The following NAV3 variants were observed in gnomAD, a reference collection of about 807,000 sequenced individuals.
NAV3 encodes the protein neuron navigator 3.
A neutral mutation model predicts 244.7 loss-of-function variants in NAV3; 87 were observed. The observed-to-expected ratio is 0.36, with a 90% CI of 0.30 to 0.42. NAV3 has a LOEUF of 0.42. NAV3 is among the 20% of genes least tolerant of loss of function. The pLI, the probability that NAV3 is intolerant of heterozygous loss-of-function variation, is 1.00. For synonymous variants in NAV3, 1,126 were observed against 1,042.2 expected (o/e 1.08, Z -1.55); for missense variants, 2,663 against 2,893.3 (o/e 0.92, Z 1.83).
At chr12:77,891,971 G>C (rs1883991890) in intron 1 of NAV3, among the ~76,000 whole-genome samples, 1 of 152,140 alleles carries the variant, frequency 6.6e-6, no homozygotes, top group Admixed American at 6.5e-5. Flanking sequence ...CTGTGGGGAG[G>C]GAAGTCATTT....
At chr12:77,778,641 T>C (rs1239777827) in intron 2 of NAV3, among the ~76,000 whole-genome samples, 1 of 150,692 alleles carries the variant, frequency 6.6e-6, no homozygotes, top group Non-Finnish European at 1.5e-5. Flanking sequence ...AGAAAATGCA[T>C]TTATATTAAC....
chr12:78,061,983 C>G (rs574115371), intron 12 of NAV3, among the ~76,000 whole-genome samples: 1 of 152,178 alleles, frequency 6.6e-6, no homozygotes, highest in South Asian at 2.1e-4. Context: ...GTCCATACAA[C>G]ATAGCAAATC....
intron 1 of NAV3, among the ~76,000 whole-genome samples, chr12:77,831,960 G>A (rs572324800): frequency 1.3e-5 from 2 of 152,128 alleles, no homozygotes; most frequent in Non-Finnish European, 2.9e-5. Context: ...ATTGATGAAT[G>A]CCTAGTTAGT....
At chr12:77,706,945 T>C (rs1216745647) in intron 2 of NAV3, among the ~76,000 whole-genome samples, 1 of 143,826 alleles carries the variant, frequency 7.0e-6, no homozygotes. Flanking sequence ...CATACTGATA[T>C]TAAACAAGTC....
chr12:77,903,676 G>T, intron 1 of NAV3, among the ~76,000 whole-genome samples: 1 of 152,158 alleles, frequency 6.6e-6, no homozygotes, highest in Non-Finnish European at 1.5e-5. Context: ...CTTCTGCACA[G>T]CAAAAGAAAC....
chr12:77,899,496 C>T (rs1024675772), intron 1 of NAV3, among the ~76,000 whole-genome samples: 2 of 152,190 alleles, frequency 1.3e-5, no homozygotes, highest in African/African-American at 4.8e-5. Context: ...TGATTGTTAG[C>T]ACTGTTAAGC....
At chr12:77,607,230 A>G (rs1592498493) in intron 2 of NAV3, among the ~76,000 whole-genome samples, 1 of 152,094 alleles carries the variant, frequency 6.6e-6, no homozygotes, top group Non-Finnish European at 1.5e-5. Context: ...CCAAAGTTCA[A>G]GAGTTACCTA....
At position 77,769,242 on chromosome 12, in the gene NAV3, G is replaced by A. The variant is rs1869946601; in HGVS notation, c.73-171077G>A. ...CTGCATGTTTATGAAACAATTCTTA[G>A]TCAAGACTGTGTTTGATATAAATTA... is the stretch of plus-strand genomic sequence containing the variant. On this transcript the variant is annotated intron_variant, in intron 2 of 8. Transcript: ENST00000550042. Among the ~76,000 whole-genome samples the A allele has an allele frequency of 2.0e-5, 3 of 152,136 alleles. No homozygotes were observed. The South Asian group carries it at 6.2e-4, about 32-fold the overall frequency.
rs771282817 is a variant in NAV3 at position 78,006,487 on chromosome 12, C to A, written c.949C>A (p.Gln317Lys). ...CGTGCAGCCTCCCAGTACTGCTGGG[C>A]AGCCTCCTGCCTCTGCCATCCCTTC... ...GNVQPPSTAG[Q>K]PPASAIPSPS... Residue 317 changes from glutamine to lysine, a missense_variant, in exon 8 of 40, where the codon CAG (glutamine) becomes AAG (lysine). Gln to Lys is a moderately conservative substitution (Grantham distance 53, BLOSUM62 1). Transcript: ENST00000397909. The A allele has an allele frequency of 4.3e-5, 69 of 1,613,922 alleles. No individual in the cohort carries two copies. The Admixed American group carries it at 1.1e-3, about 26-fold the overall frequency.
rs769564672 is a variant in NAV3 at position 78,050,890 on chromosome 12, G to A, written c.2259G>A (p.Ala753=). 3.4e-5 allele frequency: 55 copies of A among 1,613,978 alleles called. 1 individual carries two copies. The Admixed American group carries it at 5.8e-4, about 17-fold the overall frequency. ...GCCAGGCATGTCCGCGACTTCAGGCGGGAGATGCTCCCTCCCTGGGTGCTG... is the reference window on the plus strand; with the variant it reads ...GCCAGGCATGTCCGCGACTTCAGGCAGGAGATGCTCCCTCCCTGGGTGCTG... ...RLGQACPRLQ[A]GDAPSLGAGY... is the part of the protein sequence containing the mutation. Residue 753 remains alanine, a synonymous_variant, in exon 11 of 40, where the codon GCG becomes GCA. Transcript: ENST00000397909.
At chr12:77,666,184 T>C (rs577869744) in intron 2 of NAV3, among the ~76,000 whole-genome samples, 2 of 150,048 alleles carry the variant, frequency 1.3e-5, no homozygotes, top group South Asian at 2.1e-4. Flanking sequence ...TTACAGTTTT[T>C]TTTTTTTTTT....
At chr12:77,592,843 G>A (rs1033855524) in intron 2 of NAV3, among the ~76,000 whole-genome samples, 1 of 152,110 alleles carries the variant, frequency 6.6e-6, no homozygotes, top group East Asian at 1.9e-4. Flanking sequence ...GCGTATTTTT[G>A]TTTAGCAAAG....
At chr12:77,945,224 G>A (rs1236149403) in intron 3 of NAV3, among the ~76,000 whole-genome samples, 6 of 152,018 alleles carry the variant, frequency 3.9e-5, no homozygotes, top group Non-Finnish European at 8.8e-5. Flanking sequence ...GGAAAGGAAA[G>A]GGTTCAGAGG....
intron 2 of NAV3, among the ~76,000 whole-genome samples, chr12:77,725,723 G>T (rs1876847174): frequency 6.6e-6 from 1 of 151,898 alleles, no homozygotes; most frequent in Non-Finnish European, 1.5e-5. Context: ...AAACTTGATG[G>T]CTGGCGACCA....
chr12:78,160,212 G>T (rs923379090), intron 23 of NAV3, among the ~76,000 whole-genome samples: 1 of 152,120 alleles, frequency 6.6e-6, no homozygotes, highest in East Asian at 1.9e-4. Context: ...AAGGAACGGA[G>T]AATTTAGTTC....
chr12:78,116,657 G>A, intron 12 of NAV3, 115 bp from the exon 13 acceptor site: 1 of 1,159,698 alleles, frequency 8.6e-7, no homozygotes, highest in Non-Finnish European at 1.1e-6. Flanking sequence ...CTTTTCATAA[G>A]ATATTTTTTA....
intron 2 of NAV3, among the ~76,000 whole-genome samples, chr12:77,646,462 TTCTCTC>T (rs931452011): frequency 1.4e-5 from 2 of 147,930 alleles, no homozygotes; most frequent in Non-Finnish European, 2.9e-5. Flanking sequence ...GAAGGCGTTC[TTCTCTC>T]TCTCTTTCTT....
intron 34 of NAV3, among the ~76,000 whole-genome samples, chr12:78,197,009 G>A (rs1272815270): frequency 1.3e-5 from 2 of 151,820 alleles, no homozygotes; most frequent in Non-Finnish European, 2.9e-5. Flanking sequence ...TTTGCTGCAG[G>A]TGTTTGGTAC....
chr12:77,809,587 G>A (rs1872182196), intron 2 of NAV3, among the ~76,000 whole-genome samples: 1 of 152,196 alleles, frequency 6.6e-6, no homozygotes, highest in South Asian at 2.1e-4. Flanking sequence ...GATCTCGCTA[G>A]GAGCTGCAGA....
Sources: allele counts gnomAD v4.1 joint callset (sites outside exome capture counted in the v4.1 genomes callset), GRCh38; gene constraint gnomAD v4.1.1; transcripts MANE v1.5; gene names NCBI Gene and HGNC (gene_info 2026-07-23, HGNC 2026-07-21).